Variants in GAS7 observed in about 807,000 individuals in gnomAD.
The protein encoded by GAS7 is growth arrest specific 7, also known as growth arrest-specific protein 7.
In GAS7, 28 loss-of-function variants were observed where a neutral mutation model predicts 71.1. That is an observed-to-expected ratio of 0.39 (90% CI 0.29 to 0.54). The LOEUF (loss-of-function observed/expected upper bound fraction) is 0.54, where lower values mean the gene tolerates loss of function less well. GAS7 is among the 20% of genes least tolerant of loss of function. The pLI, the probability that GAS7 is intolerant of heterozygous loss-of-function variation, is 0.62. For synonymous variants in GAS7, 258 were observed against 245.8 expected (o/e 1.05, Z -0.46); for missense variants, 436 against 627.8 (o/e 0.69, Z 3.27).
In GAS7 at chr17:9,913,931, T is replaced by C. The variant is rs928590474; in HGVS notation, c.*3297A>G. 2 of 232,086 alleles carry C rather than the reference T, an allele frequency of 8.6e-6. No homozygotes were observed. Among genetic ancestry groups the C allele is most frequent in the Non-Finnish European group, 1.7e-5 (2 of 117,452 alleles). 14.4% of individuals were successfully genotyped at this position (232,086 alleles called of 1,614,324 possible). Reference sequence around the variant, plus strand: ...GAAGGGGCTGACTTGTTCTCAGAAATGGAAGGGACATTCTCAAGAATAGCC... The same window carrying C: ...GAAGGGGCTGACTTGTTCTCAGAAACGGAAGGGACATTCTCAAGAATAGCC... On this transcript the variant is annotated 3_prime_UTR_variant, in exon 14 of 14. Transcript: ENST00000432992.
chr17:10,128,026 G>A (rs568962448), intron 1 of GAS7, among the ~76,000 whole-genome samples: 6 of 152,288 alleles, frequency 3.9e-5, no homozygotes, highest in Admixed American at 1.3e-4. Flanking sequence ...AGGCAGCACC[G>A]GCGAGGGATT....
intron 1 of GAS7, among the ~76,000 whole-genome samples, chr17:10,046,781 AAAGAAAGGAAGGAAGGAAGGAAGGAAGG>A (rs1363138517): frequency 1.9e-5 from 2 of 104,572 alleles, no homozygotes; most frequent in Non-Finnish European, 1.8e-5. Flanking sequence ...AGAAAGAAAG[AAAGAAAGGAAGGAAGGAAGGAAGGAAGG>A]AAGGAAGGAA....
intron 2 of GAS7, among the ~76,000 whole-genome samples, chr17:10,006,214 A>C (rs1235216035): frequency 1.3e-5 from 2 of 150,944 alleles, no homozygotes; most frequent in African/African-American, 2.4e-5. Context: ...ACTGCTGCAC[A>C]CGAGACTCTA....
chr17:10,057,075 C>G (rs947105426), intron 1 of GAS7, among the ~76,000 whole-genome samples: 1 of 152,170 alleles, frequency 6.6e-6, no homozygotes, highest in African/African-American at 2.4e-5. Context: ...TGATTGCAGA[C>G]GGAGTCTCGT....
Position 9,934,240 on chromosome 17 carries a change from A to C in GAS7, c.811T>G (p.Leu271Val). 1 of 1,607,288 alleles carries C rather than the reference A, an allele frequency of 6.2e-7. No individual in the cohort carries two copies. ...NSLASQEEGSLGEAWAQVKKS... is the reference protein window; with the variant it reads ...NSLASQEEGSVGEAWAQVKKS... ...TTCACCTGGGCCCACGCCTCTCCCA[A>C]GGAGCTGCAACACAAAGACCATGAG... The change falls in exon 9 of 14, where the codon TTG becomes GTG. Residue 271 changes from leucine (L) to valine (V), a missense_variant. Transcript: ENST00000432992.
intron 4 of GAS7, among the ~76,000 whole-genome samples, chr17:9,963,720 A>C (rs1239062062): frequency 6.6e-6 from 1 of 152,172 alleles, no homozygotes; most frequent in Non-Finnish European, 1.5e-5. Context: ...GTACAGAACA[A>C]GACCCCATCT....
chr17:9,985,516 A>T (rs1431999432), intron 2 of GAS7, among the ~76,000 whole-genome samples: 1 of 152,128 alleles, frequency 6.6e-6, no homozygotes, highest in Non-Finnish European at 1.5e-5. Context: ...ATCAAGTCTC[A>T]ACTAAAATGT....
intron 1 of GAS7, among the ~76,000 whole-genome samples, chr17:10,167,040 T>G (rs201365668): frequency 7.4e-6 from 1 of 135,232 alleles, no homozygotes; most frequent in Admixed American, 7.7e-5. Context: ...CTATTTCCAT[T>G]TGTCTTTTTT....
chr17:10,091,502 C>T (rs2073581429), intron 1 of GAS7, among the ~76,000 whole-genome samples: 1 of 152,156 alleles, frequency 6.6e-6, no homozygotes, highest in Admixed American at 6.5e-5. Flanking sequence ...ATTCTCTTGC[C>T]TCAGCCTCCC....
rs757239125 is a variant in GAS7, at chr17:9,967,215, TA to T, written c.471+2461del. 2.6e-5 allele frequency among the ~76,000 whole-genome samples: 4 copies of T among 151,180 alleles called. 1 individual carries two copies. ...AGTAAAAAATTGTATCTGCCTTCTA[TA>T]AAAGTAAAATGTGTTCATTTTAGGA... On this transcript the variant is annotated intron_variant, in intron 4 of 13. Transcript: ENST00000432992.
chr17:10,039,154 T>C (rs879335747), intron 1 of GAS7, among the ~76,000 whole-genome samples: 4 of 150,952 alleles, frequency 2.6e-5, no homozygotes, highest in Non-Finnish European at 4.4e-5. Context: ...GTGGGTATAC[T>C]CAAAGCCACT....
chr17:9,983,264 G>C (rs191733517), intron 2 of GAS7, among the ~76,000 whole-genome samples: 1 of 152,182 alleles, frequency 6.6e-6, no homozygotes, highest in East Asian at 1.9e-4. Flanking sequence ...GCTGAGGTGG[G>C]TGAATTGCTT....
In GAS7 at chr17:9,959,162, T is replaced by A. The variant is rs1332942294; in HGVS notation, c.525+40A>T. On this transcript the variant is annotated intron_variant, in intron 5 of 13. Coordinates refer to ENST00000432992, the MANE Select transcript of GAS7 (RefSeq NM_201433.2). The surrounding 1 kb of genome is among the most constrained non-coding windows in gnomAD (Gnocchi z 5.0). ...CAACAGCCCAGCCAAATGCCCCAGC[T>A]CGCAGCCCACCCTGAGGGCGCCCCT... 5 of 1,606,188 alleles carry A rather than the reference T, an allele frequency of 3.1e-6. No homozygotes were observed. In the East Asian group the frequency reaches 1.1e-4, roughly 36 times the overall value.
At chr17:9,971,940 C>G (rs1349593344) in intron 3 of GAS7, among the ~76,000 whole-genome samples, 1 of 152,166 alleles carries the variant, frequency 6.6e-6, no homozygotes, top group Non-Finnish European at 1.5e-5. Flanking sequence ...CAGGTGGTGC[C>G]CCGTTCTCCA....
At chr17:10,004,062 G>A (rs564518070) in intron 2 of GAS7, among the ~76,000 whole-genome samples, 9 of 152,282 alleles carry the variant, frequency 5.9e-5, no homozygotes, top group Non-Finnish European at 1.3e-4. Flanking sequence ...TCACAGCCTC[G>A]TAGGGTGTTT....
At chr17:9,961,457 T>C (rs942652550) in intron 4 of GAS7, among the ~76,000 whole-genome samples, 1 of 152,174 alleles carries the variant, frequency 6.6e-6, no homozygotes, top group South Asian at 2.1e-4. Flanking sequence ...TTCTGCAGTC[T>C]GCAGGAGTCT....
At position 10,019,805 on chromosome 17, in the gene GAS7, C is replaced by A. The variant is rs745979895; in HGVS notation, c.276G>T (p.Arg92=). ...TGGTGGTCGTGTTGACATAGTACCG[C>A]CGGCCCTGAGGCGACAGGTAGCTCT... ...GWQSYLSPQG[R]RYYVNTTTNE... is the part of the protein sequence containing the mutation. The change falls in exon 2 of 14, where the codon CGG becomes CGT. Residue 92 remains arginine, a synonymous_variant. Coordinates refer to ENST00000432992, the MANE Select transcript of GAS7 (RefSeq NM_201433.2). 5.0e-6 allele frequency: 8 copies of A among 1,614,082 alleles called. No individual in the cohort carries two copies. Among genetic ancestry groups the A allele is most frequent in the Non-Finnish European group, 4.2e-6 (5 of 1,179,976 alleles).
rs1168627510 is a variant in GAS7 at position 10,049,609 on chromosome 17, CTTTTTTTTTTTTTTTTT to C, written c.184-29729_184-29713del. Among the ~76,000 whole-genome samples, 4 of 70,396 alleles carry C rather than the reference CTTTTTTTTTTTTTTTTT, an allele frequency of 5.7e-5. No individual in the cohort carries two copies. In the East Asian group the frequency reaches 2.2e-3, roughly 39 times the overall value. 46.2% of individuals were successfully genotyped at this position (70,396 alleles called of 152,430 possible). A position where few individuals can be genotyped will look rare whatever the true frequency, so the allele number is the denominator to read the frequency against. On this transcript the variant is annotated intron_variant, in intron 1 of 13. Transcript: ENST00000432992. ...TTTAAAACGTGTTTTGAAATTACTT[CTTTTTTTTTTTTTTTTT>C]TTTTTTTTTTTTGAGACAGAGTCTC...
intron 11 of GAS7, 32 bp downstream of exon 11, chr17:9,925,444 C>T: frequency 6.2e-7 from 1 of 1,613,112 alleles, no homozygotes; most frequent in Non-Finnish European, 8.5e-7. Context: ...TCTGTGTGCA[C>T]TGACCAGGCC....
Sources: gnomAD v4.1 joint callset for allele counts (sites outside exome capture counted in the v4.1 genomes callset) on GRCh38, gnomAD v4.1.1 for gene constraint, Gnocchi (gnomAD v3.1) non-coding constraint, MANE v1.5 for transcripts, NCBI Gene and HGNC (gene_info 2026-07-23, HGNC 2026-07-21) for gene names.